FLT1: variants seen among roughly 807,000 people sequenced by gnomAD.
FLT1 encodes fms related receptor tyrosine kinase 1, also known as vascular endothelial growth factor receptor 1.
FLT1 carries 49 observed loss-of-function variants against 156.3 expected under a neutral mutation model. The observed-to-expected ratio is 0.31, with a 90% CI of 0.25 to 0.40. The LOEUF is 0.40. FLT1 is among the 10% of genes least tolerant of loss of function. The pLI is 1.00. For missense variants in FLT1, 1,322 were observed against 1,637.2 expected, an observed-to-expected ratio of 0.81 and a Z score of 3.32; for synonymous variants, 594 against 583.8, an observed-to-expected ratio of 1.02 and a Z score of -0.25.
intron 15 of FLT1, among the ~76,000 whole-genome samples, chr13:28,347,397 G>A (rs1251977871): frequency 6.6e-6 from 1 of 152,024 alleles, no homozygotes; most frequent in Non-Finnish European, 1.5e-5. Flanking sequence ...GTGTGGTGGG[G>A]GGGCACCCAG....
chr13:28,311,762 C>A (rs2138813995), intron 26 of FLT1, 30 bp from the exon 27 acceptor site: 1 of 1,612,512 alleles, frequency 6.2e-7, no homozygotes, highest in Non-Finnish European at 8.5e-7. Context: ...GCTCTCGTTG[C>A]ACCAATTCTG....
intron 29 of FLT1, 59 bp downstream of exon 29, chr13:28,306,619 C>T: frequency 8.5e-7 from 1 of 1,179,424 alleles, no homozygotes; most frequent in Non-Finnish European, 1.3e-6. Flanking sequence ...CACCTTCCCC[C>T]AGCATCTCCC....
chr13:28,423,232 A>G (rs1412883100), intron 10 of FLT1, among the ~76,000 whole-genome samples: 1 of 152,196 alleles, frequency 6.6e-6, no homozygotes, highest in Non-Finnish European at 1.5e-5. Flanking sequence ...TCCTCTCATG[A>G]CAGGAAACCA....
chr13:28,482,544 T>C (rs1040552382), intron 1 of FLT1, among the ~76,000 whole-genome samples: 18 of 151,570 alleles, frequency 1.2e-4, no homozygotes, highest in African/African-American at 1.9e-4. Context: ...CTCCAAATCA[T>C]TGGAAGAGGA....
At chr13:28,323,091 G>A (rs750851522) in intron 20 of FLT1, 145 bp from the exon 21 acceptor site, 28 of 859,840 alleles carry the variant, frequency 3.3e-5, no homozygotes, top group African/African-American at 6.7e-5. Flanking sequence ...GGGGCCCTAC[G>A]GTGTCCAGGA....
intron 7 of FLT1, among the ~76,000 whole-genome samples, 193 bp from the exon 8 acceptor site, chr13:28,430,360 A>C (rs993183675): frequency 2.0e-5 from 3 of 152,232 alleles, no homozygotes; most frequent in Middle Eastern, 3.2e-3. Context: ...AACGCCTTTC[A>C]AATCAAATGG....
At chr13:28,373,633 C>G (rs761343670) in intron 14 of FLT1, among the ~76,000 whole-genome samples, 5 of 152,062 alleles carry the variant, frequency 3.3e-5, no homozygotes. Flanking sequence ...AACATGAAAG[C>G]ATGAAAGCAT....
At chr13:28,395,044 G>T (rs1312508085) in intron 12 of FLT1, among the ~76,000 whole-genome samples, 1 of 152,098 alleles carries the variant, frequency 6.6e-6, no homozygotes, top group African/African-American at 2.4e-5. Context: ...GGGCGGAGAG[G>T]GGAGGTGGGT....
At chr13:28,392,994 T>G (rs564501529) in intron 12 of FLT1, among the ~76,000 whole-genome samples, 3 of 152,222 alleles carry the variant, frequency 2.0e-5, no homozygotes, top group Admixed American at 6.5e-5. Flanking sequence ...CCTTAATTCA[T>G]GTTGACTTTT....
At chr13:28,330,787 C>A (rs994928665) in intron 18 of FLT1, among the ~76,000 whole-genome samples, 1 of 151,802 alleles carries the variant, frequency 6.6e-6, no homozygotes, top group Non-Finnish European at 1.5e-5. Context: ...GATCTCGGCT[C>A]CCTGCAACCT....
intron 3 of FLT1, among the ~76,000 whole-genome samples, chr13:28,465,764 C>T (rs920345484): frequency 6.6e-6 from 1 of 152,036 alleles, no homozygotes; most frequent in African/African-American, 2.4e-5. Context: ...TAATCGCTTG[C>T]CCCTGGGAGG....
chr13:28,411,137 G>A (rs1265509558), intron 10 of FLT1, among the ~76,000 whole-genome samples: 1 of 152,148 alleles, frequency 6.6e-6, no homozygotes, highest in African/African-American at 2.4e-5. Context: ...GCAAGGGGCA[G>A]AAGACTACTT....
At position 28,317,568 on chromosome 13, in the gene FLT1, C is replaced by T. The variant is rs750234866; in HGVS notation, c.3316G>A (p.Asp1106Asn). The T allele has an allele frequency of 2.5e-6, 4 of 1,613,928 alleles. No homozygotes were observed. In the South Asian group the frequency reaches 4.4e-5, roughly 18 times the overall value. The change falls in exon 25 of 30, where the codon GAT becomes AAT. Residue 1106 changes from aspartate to asparagine, a missense_variant. Transcript: ENST00000282397. ...GGSPYPGVQM[D>N]EDFCSRLREG... ...CTCAGGCGACTGCAAAAGTCCTCAT[C>T]CATTTGTACTCCTGGGTATGGAGAC...
intron 4 of FLT1, 150 bp from the exon 5 acceptor site, chr13:28,434,370 C>G: frequency 1.4e-6 from 1 of 724,076 alleles, no homozygotes; most frequent in South Asian, 1.8e-5. Context: ...GTTAAAAACT[C>G]TAGTTTGTTA....
chr13:28,318,659 T>C (rs1164578933), intron 24 of FLT1, among the ~76,000 whole-genome samples: 2 of 152,042 alleles, frequency 1.3e-5, no homozygotes, highest in East Asian at 3.9e-4. Context: ...AGCAGGGGAA[T>C]GATTTTCACA....
chr13:28,332,292 T>C (rs1186539843), intron 18 of FLT1, among the ~76,000 whole-genome samples: 2 of 152,120 alleles, frequency 1.3e-5, no homozygotes, highest in African/African-American at 2.4e-5. Context: ...CTATAACCCT[T>C]TCCTCTTTGG....
intron 3 of FLT1, among the ~76,000 whole-genome samples, chr13:28,458,478 T>C (rs1335702070): frequency 6.6e-6 from 1 of 152,228 alleles, no homozygotes; most frequent in African/African-American, 2.4e-5. Context: ...TCTGAGGGAA[T>C]GGCCTGAACA....
intron 1 of FLT1, among the ~76,000 whole-genome samples, chr13:28,480,964 T>A (rs1880802899): frequency 6.6e-6 from 1 of 152,234 alleles, no homozygotes; most frequent in Non-Finnish European, 1.5e-5. Context: ...GGACTTCATG[T>A]TCTTAACGTG....
intron 24 of FLT1, among the ~76,000 whole-genome samples, chr13:28,319,001 G>A (rs1176951383): frequency 6.6e-6 from 1 of 152,206 alleles, no homozygotes; most frequent in African/African-American, 2.4e-5. Flanking sequence ...CTTCCTCGCT[G>A]GGGCAGCTGA....
Sources: gnomAD v4.1 joint callset for allele counts (sites outside exome capture counted in the v4.1 genomes callset) on GRCh38, gnomAD v4.1.1 for gene constraint, MANE v1.5 for transcripts, NCBI Gene and HGNC (gene_info 2026-07-23, HGNC 2026-07-21) for gene names.